The following KCNJ12 variants were observed in gnomAD, a reference collection of about 807,000 sequenced individuals.
The protein encoded by KCNJ12 is potassium inwardly rectifying channel subfamily J member 12.
A neutral mutation model predicts 22.3 loss-of-function variants in KCNJ12; 2 were observed. The observed-to-expected ratio is 0.09, with a 90% CI of 0.04 to 0.28. The LOEUF (loss-of-function observed/expected upper bound fraction) is 0.28. Ranked by LOEUF, KCNJ12 falls within the 10% of genes least tolerant of loss-of-function variation. The pLI is 1.00. For synonymous variants in KCNJ12, 117 were observed against 261.4 expected, an observed-to-expected ratio of 0.45 and a Z score of 5.33; for missense variants, 155 against 633.3, an observed-to-expected ratio of 0.24 and a Z score of 8.11.
intron 1 of KCNJ12, among the ~76,000 whole-genome samples, chr17:21,380,986 CT>C (rs1904845636): frequency 6.6e-6 from 1 of 152,342 alleles, no homozygotes. Context: ...CTGTGGAGAC[CT>C]TGGGGACCCC....
chr17:21,377,626 C>A lies in KCNJ12; in HGVS notation c.-179+713C>A, dbSNP rs146767401. Among the ~76,000 whole-genome samples the A allele has an allele frequency of 2.0e-5, 3 of 151,916 alleles. No homozygotes were observed. In the East Asian group the frequency reaches 5.8e-4, roughly 30 times the overall value. ...CTCCGGGTGCCCTGGGGGAGCGGGG[C>A]GGGAATCAGGGGCTCATGGGCAGAG... is the stretch of plus-strand genomic sequence containing the variant. On this transcript the variant is annotated intron_variant, in intron 1 of 2. Coordinates refer to ENST00000583088, the MANE Select transcript of KCNJ12 (RefSeq NM_021012.5).
At position 21,386,795 on chromosome 17, in the gene KCNJ12, C is replaced by T. The variant is rs896290608; in HGVS notation, c.-179+9882C>T. Among the ~76,000 whole-genome samples the T allele has an allele frequency of 5.9e-5, 9 of 152,238 alleles. No homozygotes were observed. The East Asian group carries it at 7.7e-4, about 13-fold the overall frequency. On this transcript the variant is annotated intron_variant, in intron 1 of 2. Coordinates refer to ENST00000583088, the MANE Select transcript of KCNJ12 (RefSeq NM_021012.5). ...TGCTAGGATTACAGGTGTGAATCAC[C>T]GCGCCAGGACCTCTACTTCTAAGGA...
chr17:21,395,313 A>AAAAG (rs1567699391), intron 1 of KCNJ12, among the ~76,000 whole-genome samples: 2 of 145,048 alleles, frequency 1.4e-5, no homozygotes, highest in African/African-American at 5.3e-5. Context: ...AAAAAAAAAA[A>AAAAG]ACGGCGCACA....
intron 1 of KCNJ12, among the ~76,000 whole-genome samples, chr17:21,390,976 C>T (rs1457485256): frequency 1.1e-4 from 16 of 152,218 alleles, no homozygotes; most frequent in Admixed American, 1.0e-3. Context: ...CCAGTCCCTG[C>T]ACCATCCCCT....
At chr17:21,390,469 G>A (rs1238014405) in intron 1 of KCNJ12, among the ~76,000 whole-genome samples, 1 of 152,258 alleles carries the variant, frequency 6.6e-6, no homozygotes, top group East Asian at 1.9e-4. Flanking sequence ...CCAGACCTGC[G>A]TGGAGTCAGG....
intron 1 of KCNJ12, among the ~76,000 whole-genome samples, chr17:21,395,295 A>G (rs1905316243): frequency 9.2e-6 from 1 of 108,786 alleles, no homozygotes; most frequent in Non-Finnish European, 1.6e-5. Flanking sequence ...ATCCTAAAGA[A>G]AAAAAAAAAA....
chr17:21,387,914 GC>G (rs1479275798), intron 1 of KCNJ12, among the ~76,000 whole-genome samples: 1 of 152,126 alleles, frequency 6.6e-6, no homozygotes, highest in Non-Finnish European at 1.5e-5. Flanking sequence ...TCACTGCTGT[GC>G]CCCCCGAGGG....
intron 1 of KCNJ12, among the ~76,000 whole-genome samples, chr17:21,406,051 G>A (rs1269269248): frequency 1.3e-5 from 2 of 152,368 alleles, no homozygotes; most frequent in Non-Finnish European, 2.9e-5. Flanking sequence ...CCAGCAGGAC[G>A]TGGATAGGGG....
At chr17:21,407,455 C>A (rs1336878087) in intron 1 of KCNJ12, among the ~76,000 whole-genome samples, 1 of 152,264 alleles carries the variant, frequency 6.6e-6, no homozygotes, top group African/African-American at 2.4e-5. Flanking sequence ...ACCCAGCCAT[C>A]CCTCTATCCA....
At chr17:21,403,710 G>A (rs1379211653) in intron 1 of KCNJ12, among the ~76,000 whole-genome samples, 1 of 152,094 alleles carries the variant, frequency 6.6e-6, no homozygotes, top group Non-Finnish European at 1.5e-5. Context: ...TGTGATGAAG[G>A]GAGAGGGTGG....
chr17:21,396,624 G>A (rs1312221457), intron 1 of KCNJ12, among the ~76,000 whole-genome samples: 1 of 152,116 alleles, frequency 6.6e-6, no homozygotes, highest in African/African-American at 2.4e-5. Context: ...CCGTGTTGAT[G>A]GGGAGGGCCG....
chr17:21,406,477 G>C (rs1312141458), intron 1 of KCNJ12, among the ~76,000 whole-genome samples: 1 of 152,310 alleles, frequency 6.6e-6, no homozygotes, highest in Admixed American at 6.5e-5. Flanking sequence ...GGCTGAGAGA[G>C]GCAAAGTGTA....
intron 1 of KCNJ12, among the ~76,000 whole-genome samples, chr17:21,381,987 G>T (rs1231555586): frequency 6.6e-6 from 1 of 152,234 alleles, no homozygotes; most frequent in Non-Finnish European, 1.5e-5. Flanking sequence ...TTCTGCAGAT[G>T]AGAAAACTGA....
chr17:21,394,776 C>T (rs983798579), intron 1 of KCNJ12, among the ~76,000 whole-genome samples: 3 of 152,132 alleles, frequency 2.0e-5, no homozygotes, highest in Non-Finnish European at 2.9e-5. Context: ...ACCGGCCTGG[C>T]GTAAGGCGTT....
intron 1 of KCNJ12, among the ~76,000 whole-genome samples, chr17:21,393,559 C>G (rs1555559572): frequency 7.9e-5 from 12 of 152,214 alleles, no homozygotes; most frequent in Non-Finnish European, 1.5e-5. Flanking sequence ...CTCAGACCCC[C>G]CCGTGCGGGT....
At chr17:21,408,195 A>G (rs1906096611) in intron 1 of KCNJ12, among the ~76,000 whole-genome samples, 1 of 152,304 alleles carries the variant, frequency 6.6e-6, no homozygotes, top group Non-Finnish European at 1.5e-5. Context: ...AATAGTTCCA[A>G]CCTTGTGTAA....
intron 1 of KCNJ12, among the ~76,000 whole-genome samples, chr17:21,403,767 G>A (rs1905768398): frequency 6.6e-6 from 1 of 152,300 alleles, no homozygotes; most frequent in African/African-American, 2.4e-5. Context: ...ATTCACTCAT[G>A]GAAACCCCAT....
chr17:21,397,716 G>C (rs1244591011), intron 1 of KCNJ12, among the ~76,000 whole-genome samples: 1 of 152,204 alleles, frequency 6.6e-6, no homozygotes, highest in East Asian at 1.9e-4. Flanking sequence ...TGGGATGCCT[G>C]CCCCCACGAC....
chr17:21,396,016 C>T (rs1400553105), intron 1 of KCNJ12, among the ~76,000 whole-genome samples: 2 of 152,190 alleles, frequency 1.3e-5, no homozygotes, highest in Non-Finnish European at 2.9e-5. Context: ...AGGATGTCCT[C>T]GGGCTTCTCG....
Sources: gnomAD v4.1 joint callset for allele counts (sites outside exome capture counted in the v4.1 genomes callset) on GRCh38, gnomAD v4.1.1 for gene constraint, MANE v1.5 for transcripts, NCBI Gene and HGNC (gene_info 2026-07-23, HGNC 2026-07-21) for gene names.